RARA: variants seen among roughly 807,000 people sequenced by gnomAD.
RARA encodes retinoic acid receptor alpha.
In RARA, 5 loss-of-function variants were observed where a neutral mutation model predicts 42.8. The observed-to-expected ratio is 0.12, with a 90% CI of 0.06 to 0.25. The LOEUF (loss-of-function observed/expected upper bound fraction) is 0.25, where lower values mean the gene tolerates loss of function less well. RARA is among the 10% of genes least tolerant of loss of function. The pLI is 1.00. For synonymous variants in RARA, 256 were observed against 259.5 expected (o/e 0.99, Z 0.13); for missense variants, 402 against 628.7 (o/e 0.64, Z 3.86).
At chr17:40,338,127 G>A (rs2033912331) in intron 2 of RARA, among the ~76,000 whole-genome samples, 2 of 152,376 alleles carry the variant, frequency 1.3e-5, no homozygotes, top group South Asian at 2.1e-4. Flanking sequence ...AAGGAAGCCC[G>A]TCTTCCTTTT....
rs980646195 is a variant in RARA at position 40,357,076 on chromosome 17, C to T, written c.*850C>T. The T allele has an allele frequency of 1.5e-5, 5 of 335,922 alleles. No individual in the cohort carries two copies. Among genetic ancestry groups the T allele is most frequent in the Admixed American group, 9.2e-5 (2 of 21,662 alleles). The allele number at this position is 335,922 out of a possible 1,614,324, so 20.8% of individuals were successfully genotyped here. A position where few individuals can be genotyped will look rare whatever the true frequency, so the allele number is the denominator to read the frequency against. ...CTGGGTGTGGACGGTGTGGGGCAGC[C>T]CTGAAAGGACAGGCTCCTGGCCTTG... On this transcript the variant is annotated 3_prime_UTR_variant, in exon 9 of 9. Transcript: ENST00000254066.
In RARA at chr17:40,357,154, G is replaced by T; in HGVS notation, c.*928G>T. The T allele has an allele frequency of 4.2e-6, 1 of 239,114 alleles. No homozygotes were observed. The highest frequency in any genetic ancestry group is 8.2e-6 in the Non-Finnish European group (1 of 121,414). The allele number at this position is 239,114 out of a possible 1,614,324, so 14.8% of individuals were successfully genotyped here. A position where few individuals can be genotyped will look rare whatever the true frequency, so the allele number is the denominator to read the frequency against. ...TGGAGCAGGGCAGAGCAAGGGCCCC[G>T]GGACAGAGTTTTCCCAGACCTGGCT... On this transcript the variant is annotated 3_prime_UTR_variant, in exon 9 of 9. Coordinates refer to ENST00000254066, the MANE Select transcript of RARA (RefSeq NM_000964.4).
At chr17:40,309,472 A>G (rs909504564) in intron 1 of RARA, among the ~76,000 whole-genome samples, 186 bp downstream of exon 1, 3 of 151,916 alleles carry the variant, frequency 2.0e-5, no homozygotes, top group African/African-American at 7.3e-5. Context: ...AGCCCTCTGC[A>G]CCCTCCAGCA....
chr17:40,341,205 C>A (rs778436750), intron 2 of RARA: 78 of 705,584 alleles, frequency 1.1e-4, no homozygotes, highest in Non-Finnish European at 1.6e-4. Context: ...CCAGCTCTTC[C>A]TTTTATCTCT....
Position 40,355,137 on chromosome 17 carries a change from G to A in RARA, c.1013-126G>A, listed in dbSNP as rs1423626222. ...TGCGGCAGCAGAGACCCCATGCCCT[G>A]CCCTGTGTGGGGAGGCGCCTGCGAG... On this transcript the variant is annotated intron_variant, in intron 7 of 8. Transcript: ENST00000254066. This position sits in a 1 kb window ranked among gnomAD's most constrained non-coding sequence, Gnocchi z 4.1. 10 of 1,205,024 alleles carry A rather than the reference G, an allele frequency of 8.3e-6. No individual in the cohort carries two copies. The highest frequency in any genetic ancestry group is 1.1e-5 in the Non-Finnish European group (10 of 881,054). The allele number at this position is 1,205,024 out of a possible 1,614,324, so 74.6% of individuals were successfully genotyped here. A position where few individuals can be genotyped will look rare whatever the true frequency, so the allele number is the denominator to read the frequency against.
At position 40,311,347 on chromosome 17, in the gene RARA, C is replaced by T. The variant is rs113238426; in HGVS notation, c.-363+2061C>T. On this transcript the variant is annotated intron_variant, in intron 1 of 8. Coordinates refer to ENST00000254066, the MANE Select transcript of RARA (RefSeq NM_000964.4). ...CCCAAGGAAGGGGTGCCAGAGGAAG[C>T]TCAGGAATGAACAGGCTGGGGTCTG... is the stretch of plus-strand genomic sequence containing the variant. Among the ~76,000 whole-genome samples the T allele has an allele frequency of 1.8e-3, 280 of 152,104 alleles. 1 individual carries two copies. The highest frequency in any genetic ancestry group is 6.4e-3 in the African/African-American group (266 of 41,486).
intron 1 of RARA, among the ~76,000 whole-genome samples, chr17:40,324,747 G>A (rs951041792): frequency 5.3e-5 from 8 of 152,184 alleles, no homozygotes; most frequent in Admixed American, 2.0e-4. Context: ...GGTAGCACCC[G>A]GAAGTGAGAC....
intron 2 of RARA, among the ~76,000 whole-genome samples, chr17:40,336,002 T>G (rs376458442): frequency 2.6e-5 from 4 of 152,272 alleles, no homozygotes; most frequent in African/African-American, 9.6e-5. Context: ...CAAGACCCTG[T>G]CTCAAAAACA....
At chr17:40,341,170 G>C in intron 2 of RARA, 1 of 489,896 alleles carries the variant, frequency 2.0e-6, no homozygotes, top group Non-Finnish European at 3.3e-6. Context: ...AGGGCTTCTA[G>C]GATGAAGTAG....
rs2034596247 is a variant in RARA, at chr17:40,355,627, A to G, written c.1171+206A>G. On this transcript the variant is annotated intron_variant, in intron 8 of 8. Transcript: ENST00000254066. This position sits in a 1 kb window ranked among gnomAD's most constrained non-coding sequence, Gnocchi z 4.1. ...TGGTAGTTCAGATCGTGGCTCTGGA[A>G]CCAGACACGTGGGTGTGTGTCCTTG... is the stretch of plus-strand genomic sequence containing the variant. Among the ~76,000 whole-genome samples, 1 of 152,172 alleles carries G rather than the reference A, an allele frequency of 6.6e-6. No homozygotes were observed. Among genetic ancestry groups the G allele is most frequent in the Non-Finnish European group, 1.5e-5 (1 of 68,010 alleles).
chr17:40,315,159 T>TACACACAC (rs1172471420), intron 1 of RARA, among the ~76,000 whole-genome samples: 3 of 124,894 alleles, frequency 2.4e-5, no homozygotes, highest in Admixed American at 7.8e-5. Context: ...TATATATATA[T>TACACACAC]ATATATATAT....
At position 40,355,541 on chromosome 17, in the gene RARA, TAGGCTG is replaced by T. The variant is rs2034592899; in HGVS notation, c.1171+124_1171+129del. The T allele has an allele frequency of 3.0e-6, 4 of 1,339,156 alleles. No individual in the cohort carries two copies. Among genetic ancestry groups the T allele is most frequent in the Admixed American group, 5.5e-5 (2 of 36,338 alleles). The allele number at this position is 1,339,156 out of a possible 1,614,324, so 83.0% of individuals were successfully genotyped here. Reference sequence around the variant, plus strand: ...TACGACACCTGTCCCCATCTGTGTCTAGGCTGAGGTCCCCTAGTGACTCCACTTTGC... The same window carrying T: ...TACGACACCTGTCCCCATCTGTGTCTAGGTCCCCTAGTGACTCCACTTTGC... On this transcript the variant is annotated intron_variant, in intron 8 of 8. Coordinates refer to ENST00000254066, the MANE Select transcript of RARA (RefSeq NM_000964.4). This position sits in a 1 kb window ranked among gnomAD's most constrained non-coding sequence, Gnocchi z 4.1.
chr17:40,309,484 C>G (rs2033055107), intron 1 of RARA, among the ~76,000 whole-genome samples, 198 bp downstream of exon 1: 1 of 152,194 alleles, frequency 6.6e-6, no homozygotes, highest in South Asian at 2.1e-4. Context: ...CCTCCAGCAC[C>G]CTTCCTGCAT....
chr17:40,345,587 G>A lies in RARA; in HGVS notation c.179-2729G>A, dbSNP rs1030183023. 5.9e-5 allele frequency among the ~76,000 whole-genome samples: 9 copies of A among 152,252 alleles called. No individual in the cohort carries two copies. Among genetic ancestry groups the A allele is most frequent in the Non-Finnish European group, 1.2e-4 (8 of 68,024 alleles). ...CCTGGCAGCGTCGGCGGGAGGGGACGCCTGGCTTCCTGGGTCAGTTCCAGT... is the reference window on the plus strand; with the variant it reads ...CCTGGCAGCGTCGGCGGGAGGGGACACCTGGCTTCCTGGGTCAGTTCCAGT... On this transcript the variant is annotated intron_variant, in intron 2 of 8. Coordinates refer to ENST00000254066, the MANE Select transcript of RARA (RefSeq NM_000964.4). This position sits in a 1 kb window ranked among gnomAD's most constrained non-coding sequence, Gnocchi z 4.8.
intron 2 of RARA, chr17:40,343,137 TC>T (rs2034134384): frequency 2.0e-6 from 1 of 487,984 alleles, no homozygotes; most frequent in Non-Finnish European, 3.1e-6. Flanking sequence ...TTTCACTTCT[TC>T]CAGGAGAAAT....
chr17:40,330,458 G>A lies in RARA; in HGVS notation c.-362-399G>A, dbSNP rs567880350. ...AGAAGTGCCAATGCTTTAGGGAAGCGGCTTTTCCTCCCCCTCCCTCTTCCC... is the reference window on the plus strand; with the variant it reads ...AGAAGTGCCAATGCTTTAGGGAAGCAGCTTTTCCTCCCCCTCCCTCTTCCC... On this transcript the variant is annotated intron_variant, in intron 1 of 8. Transcript: ENST00000254066. Among the ~76,000 whole-genome samples the A allele has an allele frequency of 1.5e-4, 23 of 152,212 alleles. No individual in the cohort carries two copies. In the South Asian group the frequency reaches 3.9e-3, roughly 26 times the overall value.
rs536819033 is a variant in RARA, at chr17:40,325,763, C to T, written c.-362-5094C>T. Among the ~76,000 whole-genome samples, 7 of 152,266 alleles carry T rather than the reference C, an allele frequency of 4.6e-5. No homozygotes were observed. In the South Asian group the frequency reaches 1.5e-3, roughly 32 times the overall value. On this transcript the variant is annotated intron_variant, in intron 1 of 8. Coordinates refer to ENST00000254066, the MANE Select transcript of RARA (RefSeq NM_000964.4). Reference sequence around the variant, plus strand: ...CAGTCTCCCCTTCTTTTAAGCTCCCCAATACTTTTCCCCTTCTCTCAGCCC... The same window carrying T: ...CAGTCTCCCCTTCTTTTAAGCTCCCTAATACTTTTCCCCTTCTCTCAGCCC...
chr17:40,341,673 G>A, intron 2 of RARA: 1 of 1,342,074 alleles, frequency 7.5e-7, no homozygotes, highest in Non-Finnish European at 9.5e-7. Context: ...GAGTTCAGCC[G>A]CATTGCATTA....
At chr17:40,346,127 A>G (rs2034258506) in intron 2 of RARA, among the ~76,000 whole-genome samples, 1 of 152,142 alleles carries the variant, frequency 6.6e-6, no homozygotes, top group South Asian at 2.1e-4. Flanking sequence ...GCCAAAAAAT[A>G]ATTTTAAAAA....
Sources: allele counts gnomAD v4.1 joint callset (sites outside exome capture counted in the v4.1 genomes callset), GRCh38; gene constraint gnomAD v4.1.1; non-coding constraint Gnocchi (gnomAD v3.1); transcripts MANE v1.5; gene names NCBI Gene and HGNC (gene_info 2026-07-23, HGNC 2026-07-21).